The following ST6GALNAC3 variants were observed in gnomAD, a reference collection of about 807,000 sequenced individuals.
ST6GALNAC3 encodes the protein ST6 N-acetylgalactosaminide alpha-2,6-sialyltransferase 3.
A neutral mutation model predicts 32.7 loss-of-function variants in ST6GALNAC3; 25 were observed. That is an observed-to-expected ratio of 0.76 (90% CI 0.56 to 1.07). The LOEUF (loss-of-function observed/expected upper bound fraction) is 1.07, where lower values mean the gene tolerates loss of function less well. ST6GALNAC3 is among the 50% of genes least tolerant of loss of function. The pLI is 0.00. For synonymous variants in ST6GALNAC3, 129 were observed against 133.1 expected (o/e 0.97, Z 0.21); for missense variants, 355 against 382.4 (o/e 0.93, Z 0.60).
At chr1:76,385,683 T>C (rs1448860230) in intron 2 of ST6GALNAC3, among the ~76,000 whole-genome samples, 1 of 152,090 alleles carries the variant, frequency 6.6e-6, no homozygotes, top group Non-Finnish European at 1.5e-5. Flanking sequence ...CTCGAATACC[T>C]AGAACTATAC....
At chr1:76,586,687 G>A (rs936032615) in intron 3 of ST6GALNAC3, among the ~76,000 whole-genome samples, 1 of 152,120 alleles carries the variant, frequency 6.6e-6, no homozygotes, top group Admixed American at 6.5e-5. Context: ...CTCTACCCAA[G>A]GGACTTTACA....
intron 3 of ST6GALNAC3, among the ~76,000 whole-genome samples, chr1:76,456,851 A>C (rs1657846692): frequency 6.6e-6 from 1 of 152,326 alleles, no homozygotes; most frequent in African/African-American, 2.4e-5. Context: ...TGTTCTGGCC[A>C]GGGCAATTAG....
intron 3 of ST6GALNAC3, among the ~76,000 whole-genome samples, chr1:76,582,764 G>C (rs1004178207): frequency 1.3e-4 from 20 of 152,152 alleles, no homozygotes; most frequent in Non-Finnish European, 1.8e-4. Flanking sequence ...AACACAGCAA[G>C]TCAGCTTTCC....
chr1:76,374,547 G>A (rs549259482), intron 2 of ST6GALNAC3, among the ~76,000 whole-genome samples: 29 of 152,188 alleles, frequency 1.9e-4, no homozygotes, highest in Non-Finnish European at 4.1e-4. Flanking sequence ...CATGTCTAAT[G>A]ACATGAACAT....
intron 3 of ST6GALNAC3, among the ~76,000 whole-genome samples, chr1:76,583,736 G>A (rs967980533): frequency 5.3e-5 from 8 of 152,280 alleles, no homozygotes; most frequent in Non-Finnish European, 1.0e-4. Flanking sequence ...TTCTTTTTCA[G>A]AAATGAGTGT....
chr1:76,443,796 T>C (rs1385539686), intron 3 of ST6GALNAC3, among the ~76,000 whole-genome samples: 1 of 152,218 alleles, frequency 6.6e-6, no homozygotes, highest in Non-Finnish European at 1.5e-5. Flanking sequence ...AGCCTTCTAG[T>C]CTTGCCTTAG....
intron 1 of ST6GALNAC3, among the ~76,000 whole-genome samples, chr1:76,167,297 A>G (rs1024161687): frequency 1.3e-5 from 2 of 152,218 alleles, no homozygotes; most frequent in Non-Finnish European, 2.9e-5. Flanking sequence ...GATGGCTCAC[A>G]TTAATTGATT....
At position 76,129,477 on chromosome 1, in the gene ST6GALNAC3, A is replaced by G. The variant is rs1216816139; in HGVS notation, c.18+54593A>G. On this transcript the variant is annotated intron_variant, in intron 1 of 4. Transcript: ENST00000328299. ...TCCCTTTGTCTGGAGTGCAGTGTCA[A>G]GAGTCCAAATGGCCCCAGTGAGGTG... 3.3e-5 allele frequency among the ~76,000 whole-genome samples: 5 copies of G among 152,290 alleles called. No individual in the cohort carries two copies. The East Asian group carries it at 5.8e-4, about 18-fold the overall frequency.
intron 1 of ST6GALNAC3, among the ~76,000 whole-genome samples, chr1:76,245,722 C>T (rs1347952552): frequency 1.3e-5 from 2 of 152,056 alleles, no homozygotes; most frequent in Admixed American, 6.6e-5. Flanking sequence ...TGTTCACTTT[C>T]CATGTAGTTG....
chr1:76,176,962 C>A (rs1366660658), intron 1 of ST6GALNAC3, among the ~76,000 whole-genome samples: 1 of 152,194 alleles, frequency 6.6e-6, no homozygotes. Flanking sequence ...GAAATCCCAG[C>A]TCCTCAGGAG....
intron 3 of ST6GALNAC3, among the ~76,000 whole-genome samples, chr1:76,437,487 A>T (rs1470754361): frequency 1.3e-5 from 2 of 151,570 alleles, no homozygotes; most frequent in Admixed American, 6.6e-5. Context: ...TAAATGTAAC[A>T]TTCGTTGGTG....
At chr1:76,620,405 T>C (rs921072246) in intron 3 of ST6GALNAC3, among the ~76,000 whole-genome samples, 1 of 152,084 alleles carries the variant, frequency 6.6e-6, no homozygotes, top group Non-Finnish European at 1.5e-5. Flanking sequence ...ACACATTGTC[T>C]TGGTCTGCCC....
intron 1 of ST6GALNAC3, among the ~76,000 whole-genome samples, chr1:76,177,918 G>C (rs1180849913): frequency 2.6e-5 from 4 of 152,204 alleles, no homozygotes; most frequent in African/African-American, 4.8e-5. Flanking sequence ...GAAAAAGAGG[G>C]AGCAGAAATA....
intron 1 of ST6GALNAC3, among the ~76,000 whole-genome samples, chr1:76,106,765 C>G (rs588073): frequency 0.27 from 41,555 of 151,968 alleles, 6,897 homozygotes; most frequent in African/African-American, 0.47. Context: ...ACCCAGGACA[C>G]AGAACAATTA....
At chr1:76,212,436 CA>C (rs1279867953) in intron 1 of ST6GALNAC3, among the ~76,000 whole-genome samples, 4 of 151,596 alleles carry the variant, frequency 2.6e-5, no homozygotes, top group African/African-American at 4.8e-5. Flanking sequence ...GATTTTTAAT[CA>C]AAAGCCTTAT....
At chr1:76,226,667 C>T (rs1179209952) in intron 1 of ST6GALNAC3, among the ~76,000 whole-genome samples, 2 of 152,108 alleles carry the variant, frequency 1.3e-5, no homozygotes, top group African/African-American at 2.4e-5. Context: ...AGGCATCTTA[C>T]ATCGCAGGAG....
chr1:76,360,707 A>T (rs1334862587), intron 2 of ST6GALNAC3, among the ~76,000 whole-genome samples: 2 of 152,132 alleles, frequency 1.3e-5, no homozygotes, highest in Non-Finnish European at 2.9e-5. Context: ...TATATTGTGT[A>T]TGTGTTGTGC....
In ST6GALNAC3 at chr1:76,325,151, A is replaced by G. The variant is rs919394063; in HGVS notation, c.213+11152A>G. The stretch of plus-strand genomic sequence containing the variant: ...TTGGAATTGTCATTGACTGAGATGG[A>G]GAAGACCATAGGAGAAGGTGAATTG... On this transcript the variant is annotated intron_variant, in intron 2 of 4. Coordinates refer to ENST00000328299, the MANE Select transcript of ST6GALNAC3 (RefSeq NM_152996.4). Among the ~76,000 whole-genome samples the G allele has an allele frequency of 5.3e-5, 8 of 152,358 alleles. No homozygotes were observed. In the East Asian group the frequency reaches 1.4e-3, roughly 26 times the overall value.
At chr1:76,557,693 T>G (rs1665008008) in intron 3 of ST6GALNAC3, among the ~76,000 whole-genome samples, 2 of 152,116 alleles carry the variant, frequency 1.3e-5, no homozygotes, top group Admixed American at 1.3e-4. Context: ...CCACATTAGT[T>G]ATTCTACCTC....
Sources: allele counts gnomAD v4.1 joint callset (sites outside exome capture counted in the v4.1 genomes callset), GRCh38; gene constraint gnomAD v4.1.1; transcripts MANE v1.5; gene names NCBI Gene and HGNC (gene_info 2026-07-23, HGNC 2026-07-21).